Variants in FOXP1 observed in about 807,000 individuals in gnomAD.
FOXP1 encodes forkhead box protein P1.
FOXP1 carries 15 observed loss-of-function variants against 98.2 expected under a neutral mutation model. That is an observed-to-expected ratio of 0.15 (90% CI 0.10 to 0.24). FOXP1 has a LOEUF of 0.24. FOXP1 is among the 10% of genes least tolerant of loss of function. FOXP1 has a pLI of 1.00. For missense variants in FOXP1, 633 were observed against 848.5 expected (o/e 0.75, Z 3.15); for synonymous variants, 371 against 314.5 (o/e 1.18, Z -1.90).
chr3:70,991,993 A>G (rs1353497778), intron 13 of FOXP1, among the ~76,000 whole-genome samples: 1 of 152,200 alleles, frequency 6.6e-6, no homozygotes, highest in African/African-American at 2.4e-5. Context: ...TTATGAAAAG[A>G]AGGTGTCTTT....
intron 2 of FOXP1, among the ~76,000 whole-genome samples, chr3:71,558,642 G>A (rs1196768688): frequency 2.0e-5 from 3 of 149,420 alleles, no homozygotes; most frequent in Non-Finnish European, 3.0e-5. Context: ...CCACAGGCAT[G>A]GGCCACCACG....
chr3:71,253,395 T>C (rs566969026), intron 5 of FOXP1, among the ~76,000 whole-genome samples: 1 of 123,822 alleles, frequency 8.1e-6, no homozygotes, highest in African/African-American at 3.2e-5. Context: ...ATGGAAATAA[T>C]AGACGTGTTT....
At chr3:71,472,497 G>A (rs566996384) in intron 3 of FOXP1, among the ~76,000 whole-genome samples, 3 of 151,398 alleles carry the variant, frequency 2.0e-5, no homozygotes, top group African/African-American at 7.3e-5. Flanking sequence ...TATTTTGGGT[G>A]TCGGTTCCAC....
intron 5 of FOXP1, among the ~76,000 whole-genome samples, chr3:71,270,738 G>T (rs1427290310): frequency 1.3e-5 from 2 of 152,166 alleles, no homozygotes; most frequent in Non-Finnish European, 2.9e-5. Flanking sequence ...CCCTCAAAAA[G>T]TTACCAAGTG....
chr3:71,431,089 T>C (rs1577461867), intron 3 of FOXP1, among the ~76,000 whole-genome samples: 2 of 152,292 alleles, frequency 1.3e-5, no homozygotes, highest in East Asian at 1.9e-4. Flanking sequence ...CCGGTGGACA[T>C]GTCCCTTGCG....
intron 7 of FOXP1, among the ~76,000 whole-genome samples, chr3:71,092,691 G>A (rs776770049): frequency 1.8e-4 from 28 of 152,096 alleles, no homozygotes; most frequent in Non-Finnish European, 3.7e-4. Context: ...GTGAGGGAGG[G>A]CGTTTGGCTT....
At chr3:71,277,246 C>G (rs1312286030) in intron 5 of FOXP1, among the ~76,000 whole-genome samples, 1 of 150,840 alleles carries the variant, frequency 6.6e-6, no homozygotes, top group African/African-American at 2.4e-5. Context: ...GCATGAGCCA[C>G]CGCACCTGGC....
intron 3 of FOXP1, among the ~76,000 whole-genome samples, chr3:71,484,658 G>T (rs1272949308): frequency 6.6e-6 from 1 of 152,130 alleles, no homozygotes; most frequent in Non-Finnish European, 1.5e-5. Context: ...ACATGGTCGG[G>T]GTTACGGTAT....
At chr3:71,377,360 A>C (rs886081819) in intron 3 of FOXP1, among the ~76,000 whole-genome samples, 4 of 152,250 alleles carry the variant, frequency 2.6e-5, no homozygotes, top group Admixed American at 6.5e-5. Context: ...TTATTTAATC[A>C]GGTATATAAA....
At chr3:71,250,778 A>G (rs1184554864) in intron 5 of FOXP1, among the ~76,000 whole-genome samples, 1 of 152,132 alleles carries the variant, frequency 6.6e-6, no homozygotes, top group Non-Finnish European at 1.5e-5. Context: ...TAAAATACAA[A>G]AAATTAGCTA....
intron 3 of FOXP1, among the ~76,000 whole-genome samples, chr3:71,398,008 C>G (rs1285895906): frequency 6.6e-6 from 1 of 152,132 alleles, no homozygotes; most frequent in East Asian, 1.9e-4. Context: ...CCAGAAAGAT[C>G]ACTACCTTCT....
chr3:71,115,737 CTTTTTTTTT>C (rs5849989), intron 6 of FOXP1, among the ~76,000 whole-genome samples: 1 of 116,116 alleles, frequency 8.6e-6, no homozygotes, highest in Non-Finnish European at 1.8e-5. Flanking sequence ...CAAAACTATT[CTTTTTTTTT>C]TTTTTTTTTG....
At chr3:71,308,964 G>A (rs1487386147) in intron 4 of FOXP1, among the ~76,000 whole-genome samples, 1 of 152,040 alleles carries the variant, frequency 6.6e-6, no homozygotes, top group Non-Finnish European at 1.5e-5. Context: ...AATTTCAATG[G>A]TGGTGTAACA....
chr3:71,574,488 T>C (rs1300272741), intron 2 of FOXP1: 1 of 152,208 alleles, frequency 6.6e-6, no homozygotes, highest in Non-Finnish European at 1.5e-5. Context: ...TCTTGTAGGA[T>C]GCCTTCTTCT....
chr3:71,254,403 T>C (rs1475047261), intron 5 of FOXP1, among the ~76,000 whole-genome samples: 2 of 152,222 alleles, frequency 1.3e-5, no homozygotes, highest in African/African-American at 2.4e-5. Context: ...ATGGAGGTAT[T>C]GTGGACCGGC....
intron 6 of FOXP1, among the ~76,000 whole-genome samples, chr3:71,175,731 T>C (rs1389489054): frequency 1.3e-5 from 2 of 152,216 alleles, no homozygotes; most frequent in Non-Finnish European, 2.9e-5. Context: ...ATATATGCTT[T>C]TGCTGCTAGG....
intron 5 of FOXP1, among the ~76,000 whole-genome samples, chr3:71,224,893 A>G (rs2065710747): frequency 6.6e-6 from 1 of 152,256 alleles, no homozygotes; most frequent in Non-Finnish European, 1.5e-5. Flanking sequence ...AGAAATACTC[A>G]GCTACAACGG....
rs59404230 is a variant in FOXP1 at position 71,232,877 on chromosome 3, C to CAAAAAAAAAAAAAAAAAAAAAAAAAAA, written c.-11-34486_-11-34485insTTTTTTTTTTTTTTTTTTTTTTTTTTT. Among the ~76,000 whole-genome samples, 76 of 31,406 alleles carry CAAAAAAAAAAAAAAAAAAAAAAAAAAA rather than the reference C, an allele frequency of 2.4e-3. 16 individuals are homozygous for CAAAAAAAAAAAAAAAAAAAAAAAAAAA. The highest frequency in any genetic ancestry group is 4.0e-3 in the Non-Finnish European group (67 of 16,956). 20.6% of individuals were successfully genotyped at this position (31,406 alleles called of 152,430 possible). On this transcript the variant is annotated intron_variant, in intron 5 of 20. Transcript: ENST00000649528. ...CGTGCCACAGAGCAAAACTCTGTCT[C>CAAAAAAAAAAAAAAAAAAAAAAAAAAA]AAAAAAAAAAAAAAAAAAAGCAAGA...
At chr3:71,531,363 G>A (rs772339834) in intron 2 of FOXP1, among the ~76,000 whole-genome samples, 2 of 152,198 alleles carry the variant, frequency 1.3e-5, no homozygotes, top group East Asian at 1.9e-4. Flanking sequence ...CTCAGCTATC[G>A]GCCTGGCTCC....
Sources: gnomAD v4.1 joint callset for allele counts (sites outside exome capture counted in the v4.1 genomes callset) on GRCh38, gnomAD v4.1.1 for gene constraint, MANE v1.5 for transcripts, NCBI Gene and HGNC (gene_info 2026-07-23, HGNC 2026-07-21) for gene names.